Variants in LUZP2 observed in about 807,000 individuals in gnomAD.
The protein encoded by LUZP2 is leucine zipper protein 2.
In LUZP2, 52 loss-of-function variants were observed where a neutral mutation model predicts 51.6. The ratio of observed to expected loss-of-function variants is 1.01; its 90% CI spans 0.81 to 1.27. The LOEUF is 1.27. Ranked by LOEUF, LUZP2 falls within the 50% of genes most tolerant of loss-of-function variation. LUZP2 has a pLI of 0.00. For missense variants in LUZP2, 436 were observed against 395.4 expected (o/e 1.10, Z -0.87); for synonymous variants, 154 against 137.3 (o/e 1.12, Z -0.85).
intron 1 of LUZP2, among the ~76,000 whole-genome samples, chr11:24,512,661 G>T (rs1237032690): frequency 3.3e-5 from 5 of 151,964 alleles, no homozygotes; most frequent in Non-Finnish European, 7.4e-5. Flanking sequence ...CACTTAATAC[G>T]AAGTTCAACG....
intron 8 of LUZP2, among the ~76,000 whole-genome samples, chr11:24,978,641 C>A (rs571679222): frequency 6.6e-6 from 1 of 151,848 alleles, no homozygotes; most frequent in East Asian, 1.9e-4. Context: ...ATATATGACA[C>A]AAGGTCTTGG....
At chr11:24,539,245 G>C (rs1851281195) in intron 1 of LUZP2, among the ~76,000 whole-genome samples, 1 of 151,794 alleles carries the variant, frequency 6.6e-6, no homozygotes, top group Non-Finnish European at 1.5e-5. Flanking sequence ...ATATCTACCT[G>C]TAAGTCTTTT....
intron 5 of LUZP2, among the ~76,000 whole-genome samples, chr11:24,869,791 A>T (rs1475261160): frequency 6.6e-6 from 1 of 152,168 alleles, no homozygotes; most frequent in Non-Finnish European, 1.5e-5. Context: ...ACACAACAAT[A>T]TTGAAATTAG....
intron 9 of LUZP2, among the ~76,000 whole-genome samples, chr11:24,994,941 C>T (rs1482971981): frequency 6.6e-6 from 1 of 152,118 alleles, no homozygotes; most frequent in African/African-American, 2.4e-5. Context: ...GCACCTTTGA[C>T]TTAGCACAAT....
At chr11:24,717,640 C>T (rs186065988) in intron 1 of LUZP2, among the ~76,000 whole-genome samples, 88 of 151,796 alleles carry the variant, frequency 5.8e-4, no homozygotes, top group African/African-American at 2.0e-3. Flanking sequence ...TGGTCTCGAT[C>T]TCCTGACCTC....
intron 1 of LUZP2, among the ~76,000 whole-genome samples, chr11:24,580,461 G>T (rs1406359606): frequency 6.6e-6 from 1 of 151,912 alleles, no homozygotes; most frequent in African/African-American, 2.4e-5. Flanking sequence ...TAATACAATG[G>T]GGCAGTCCCT....
chr11:24,723,455 GA>G, intron 1 of LUZP2, among the ~76,000 whole-genome samples: 1 of 152,272 alleles, frequency 6.6e-6, no homozygotes, highest in East Asian at 1.9e-4. Flanking sequence ...TCAAAAACTG[GA>G]AAAAGTCACA....
At chr11:24,977,472 G>A (rs1855911105) in intron 8 of LUZP2, among the ~76,000 whole-genome samples, 1 of 151,428 alleles carries the variant, frequency 6.6e-6, no homozygotes, top group Admixed American at 6.6e-5. Context: ...ATTGCGTTTG[G>A]GGAAAAACAG....
At chr11:24,561,593 G>C (rs1306190171) in intron 1 of LUZP2, among the ~76,000 whole-genome samples, 1 of 152,082 alleles carries the variant, frequency 6.6e-6, no homozygotes, top group Non-Finnish European at 1.5e-5. Context: ...ATGTTCTCAT[G>C]TTCTCACTCA....
intron 5 of LUZP2, among the ~76,000 whole-genome samples, chr11:24,842,503 C>T (rs924597952): frequency 2.0e-5 from 3 of 151,702 alleles, no homozygotes; most frequent in Admixed American, 6.6e-5. Flanking sequence ...ACCAACAAGG[C>T]GAATTCAGCA....
In LUZP2 at chr11:25,044,123, T is replaced by TATATATATAG. The variant is rs1858200704; in HGVS notation, c.766-5914_766-5913insTATATATAGA. On this transcript the variant is annotated intron_variant, in intron 9 of 11. Transcript: ENST00000336930. ...ATATATATAGACTATATATATCAGA[T>TATATATATAG]ACATATGTAGTCTGAGGCTGTATAT... Among the ~76,000 whole-genome samples the TATATATATAG allele has an allele frequency of 5.9e-5, 7 of 119,464 alleles. 1 individual carries two copies. The highest frequency in any genetic ancestry group is 8.7e-5 in the African/African-American group (2 of 23,024). 78.4% of individuals were successfully genotyped at this position (119,464 alleles called of 152,430 possible).
At chr11:24,598,588 C>A (rs902442184) in intron 1 of LUZP2, among the ~76,000 whole-genome samples, 1 of 151,906 alleles carries the variant, frequency 6.6e-6, no homozygotes. Context: ...TCACTGTGTT[C>A]AGAAAAAACA....
intron 1 of LUZP2, among the ~76,000 whole-genome samples, chr11:24,678,301 T>A (rs1215216306): frequency 6.6e-6 from 1 of 152,128 alleles, no homozygotes; most frequent in Non-Finnish European, 1.5e-5. Flanking sequence ...AAAGAATGCA[T>A]ATCTAATTTA....
intron 5 of LUZP2, among the ~76,000 whole-genome samples, chr11:24,811,141 TTTGCTTCCAGTTTTTC>T (rs1272278982): frequency 1.3e-5 from 2 of 152,154 alleles, no homozygotes; most frequent in African/African-American, 2.4e-5. Flanking sequence ...TTCACTCTGT[TTTGCTTCCAGTTTTTC>T]TTATTGACTG....
chr11:24,853,537 T>TTTTTTAA (rs1851459218), intron 5 of LUZP2, among the ~76,000 whole-genome samples: 1 of 152,082 alleles, frequency 6.6e-6, no homozygotes, highest in Non-Finnish European at 1.5e-5. Context: ...TTTTTTAAGG[T>TTTTTTAA]GCTTAGCTTC....
chr11:24,673,727 A>G (rs1565068747), intron 1 of LUZP2, among the ~76,000 whole-genome samples: 1 of 152,240 alleles, frequency 6.6e-6, no homozygotes, highest in African/African-American at 2.4e-5. Context: ...AGCTGCATCA[A>G]AAATGATTTA....
chr11:24,740,777 G>A (rs189683655), intron 4 of LUZP2, among the ~76,000 whole-genome samples: 38 of 152,024 alleles, frequency 2.5e-4, no homozygotes, highest in Middle Eastern at 3.4e-3. Flanking sequence ...ATCTTCATCC[G>A]TTAGCTGAAT....
intron 6 of LUZP2, among the ~76,000 whole-genome samples, chr11:24,906,659 T>G (rs574351661): frequency 7.4e-4 from 112 of 152,244 alleles, no homozygotes; most frequent in African/African-American, 2.3e-3. Context: ...CTTAGTAATA[T>G]CAATGAAATA....
At chr11:24,542,987 A>C (rs564139334) in intron 1 of LUZP2, among the ~76,000 whole-genome samples, 14 of 151,938 alleles carry the variant, frequency 9.2e-5, no homozygotes, top group Middle Eastern at 6.8e-3. Context: ...CATGTGAAAC[A>C]CCAAGGTTTA....
Sources: allele counts gnomAD v4.1 joint callset (sites outside exome capture counted in the v4.1 genomes callset), GRCh38; gene constraint gnomAD v4.1.1; transcripts MANE v1.5; gene names NCBI Gene and HGNC (gene_info 2026-07-23, HGNC 2026-07-21).